The following RORA variants were observed in gnomAD, a reference collection of about 807,000 sequenced individuals.
RORA encodes the protein RAR related orphan receptor A, also known as nuclear receptor ROR-alpha.
In RORA, 7 loss-of-function variants were observed where a neutral mutation model predicts 69.5. The observed-to-expected ratio is 0.10, with a 90% CI of 0.06 to 0.19. RORA has a LOEUF of 0.19. RORA is among the 10% of genes least tolerant of loss of function. RORA has a pLI of 1.00. For synonymous variants in RORA, 261 were observed against 240.8 expected, an observed-to-expected ratio of 1.08 and a Z score of -0.78; for missense variants, 457 against 663.0, an observed-to-expected ratio of 0.69 and a Z score of 3.41.
chr15:60,840,989 C>A (rs1263212434), intron 1 of RORA: 1 of 557,900 alleles, frequency 1.8e-6, no homozygotes, highest in Non-Finnish European at 2.3e-6. Flanking sequence ...AGCGACAATA[C>A]CACCTCCTTC....
At chr15:60,706,965 T>C (rs2071071495) in intron 1 of RORA, among the ~76,000 whole-genome samples, 1 of 152,220 alleles carries the variant, frequency 6.6e-6, no homozygotes, top group Non-Finnish European at 1.5e-5. Flanking sequence ...TGATTCTTAC[T>C]TACCTAGCTC....
chr15:61,190,364 G>A (rs1303472398), intron 1 of RORA, among the ~76,000 whole-genome samples: 1 of 152,182 alleles, frequency 6.6e-6, no homozygotes, highest in East Asian at 1.9e-4. Flanking sequence ...ATGTTGCATA[G>A]AAACTAAAGT....
chr15:61,166,162 T>G (rs1238785904), intron 1 of RORA, among the ~76,000 whole-genome samples: 1 of 152,234 alleles, frequency 6.6e-6, no homozygotes. Context: ...TTCACTTTTT[T>G]TTTTAAAAGA....
chr15:60,929,095 T>C (rs908445166), intron 1 of RORA, among the ~76,000 whole-genome samples: 2 of 152,140 alleles, frequency 1.3e-5, no homozygotes, highest in African/African-American at 4.8e-5. Context: ...ATGGTGCCCC[T>C]GCTGGGTCTA....
At chr15:60,974,071 C>CG (rs1247194061) in intron 1 of RORA, among the ~76,000 whole-genome samples, 3 of 152,254 alleles carry the variant, frequency 2.0e-5, no homozygotes, top group East Asian at 3.9e-4. Flanking sequence ...CCTTGAATCC[C>CG]GGGGGTAAAT....
intron 1 of RORA, among the ~76,000 whole-genome samples, chr15:60,829,470 C>T (rs751009574): frequency 6.6e-6 from 1 of 152,118 alleles, no homozygotes; most frequent in Non-Finnish European, 1.5e-5. Flanking sequence ...GTTGTCTGGC[C>T]ACATCTCTAG....
At chr15:60,863,158 T>A (rs951056925) in intron 1 of RORA, among the ~76,000 whole-genome samples, 4 of 152,210 alleles carry the variant, frequency 2.6e-5, no homozygotes, top group Non-Finnish European at 5.9e-5. Context: ...CTTTTACAGT[T>A]GAGATAATTG....
intron 1 of RORA, among the ~76,000 whole-genome samples, chr15:61,216,793 C>T (rs1183102259): frequency 1.3e-5 from 2 of 152,122 alleles, no homozygotes; most frequent in Non-Finnish European, 2.9e-5. Flanking sequence ...TGGATCCAGC[C>T]CATGGTAGCT....
At chr15:60,627,181 G>C (rs116830802) in intron 2 of RORA, 5 of 1,478,164 alleles carry the variant, frequency 3.4e-6, no homozygotes, top group African/African-American at 1.4e-5. Context: ...TGTGGGTGGT[G>C]GGGGGAGGGT....
intron 1 of RORA, among the ~76,000 whole-genome samples, chr15:60,760,264 T>G (rs553521432): frequency 6.6e-6 from 1 of 152,212 alleles, no homozygotes; most frequent in Non-Finnish European, 1.5e-5. Flanking sequence ...AAACATTCTC[T>G]GGCACCTAGT....
intron 1 of RORA, among the ~76,000 whole-genome samples, chr15:60,946,953 C>G (rs7166030): frequency 0.28 from 41,603 of 151,084 alleles, 7,196 homozygotes; most frequent in East Asian, 0.52. Context: ...GTCTCTGCCC[C>G]GCCGCCCTCT....
intron 1 of RORA, among the ~76,000 whole-genome samples, chr15:60,784,330 A>G (rs2072306338): frequency 6.6e-6 from 1 of 152,226 alleles, no homozygotes; most frequent in South Asian, 2.1e-4. Flanking sequence ...ATACTGCTTC[A>G]TTAAGCACAT....
rs963692040 is a variant in RORA at position 60,493,079 on chromosome 15, T to G, written c.*4376A>C. ...AAGATGGATTGTCATTCACAGTAAG[T>G]CAATTATAAGGTGCTTATTTACCCT... On this transcript the variant is annotated 3_prime_UTR_variant, in exon 11 of 11. Transcript: ENST00000335670. The G allele has an allele frequency of 3.3e-5, 5 of 152,096 alleles. No individual in the cohort carries two copies. Among genetic ancestry groups the G allele is most frequent in the African/African-American group, 4.8e-5 (2 of 41,424 alleles). 9.4% of individuals were successfully genotyped at this position (152,096 alleles called of 1,614,324 possible).
chr15:60,632,725 C>G (rs2140656347), intron 2 of RORA, among the ~76,000 whole-genome samples: 3 of 152,190 alleles, frequency 2.0e-5, no homozygotes, highest in Admixed American at 2.0e-4. Flanking sequence ...TTATCATTAG[C>G]TGAGGCACAA....
intron 1 of RORA, among the ~76,000 whole-genome samples, chr15:61,214,674 G>A (rs80090494): frequency 0.013 from 2,046 of 152,106 alleles, 43 homozygotes; most frequent in African/African-American, 0.045. Flanking sequence ...TGCAGAGAGG[G>A]GGCCTTGGAG....
At chr15:60,660,152 C>T (rs2070283232) in intron 2 of RORA, among the ~76,000 whole-genome samples, 1 of 152,122 alleles carries the variant, frequency 6.6e-6, no homozygotes, top group Admixed American at 6.5e-5. Context: ...AATTCACAAT[C>T]CTTTGTCTTT....
intron 2 of RORA, among the ~76,000 whole-genome samples, chr15:60,675,282 C>A (rs1298135794): frequency 6.6e-6 from 1 of 152,190 alleles, no homozygotes; most frequent in African/African-American, 2.4e-5. Flanking sequence ...GAGACCAGAA[C>A]AAACTTGTGA....
At chr15:60,896,144 C>T (rs936797617) in intron 1 of RORA, among the ~76,000 whole-genome samples, 1 of 152,184 alleles carries the variant, frequency 6.6e-6, no homozygotes, top group Non-Finnish European at 1.5e-5. Context: ...AGAAGACCCA[C>T]TCATCCTGTA....
chr15:61,150,190 C>A (rs2079385948), intron 1 of RORA, among the ~76,000 whole-genome samples: 1 of 152,184 alleles, frequency 6.6e-6, no homozygotes, highest in South Asian at 2.1e-4. Context: ...CCACACATGA[C>A]AAGGGGTGTT....
Sources: allele counts gnomAD v4.1 joint callset (sites outside exome capture counted in the v4.1 genomes callset), GRCh38; gene constraint gnomAD v4.1.1; transcripts MANE v1.5; gene names NCBI Gene and HGNC (gene_info 2026-07-23, HGNC 2026-07-21).